Variants in ARL5B observed in about 807,000 individuals in gnomAD.
The protein encoded by ARL5B is ADP-ribosylation factor-like protein 5B.
ARL5B carries 10 observed loss-of-function variants against 26.9 expected under a neutral mutation model. The ratio of observed to expected loss-of-function variants is 0.37; its 90% CI spans 0.23 to 0.63. The LOEUF (loss-of-function observed/expected upper bound fraction) is 0.63, where lower values mean the gene tolerates loss of function less well. Ranked by LOEUF, ARL5B falls within the 30% of genes least tolerant of loss-of-function variation. ARL5B has a pLI of 0.62. For synonymous variants in ARL5B, 87 were observed against 70.4 expected (o/e 1.24, Z -1.18); for missense variants, 167 against 213.9 (o/e 0.78, Z 1.37).
rs1307031461 is a variant in ARL5B, at chr10:18,676,260, C to G, written c.*1044C>G. 6.6e-6 allele frequency: 1 copy of G among 152,306 alleles called. No homozygotes were observed. Among genetic ancestry groups the G allele is most frequent in the Non-Finnish European group, 1.5e-5 (1 of 67,868 alleles). 9.4% of individuals were successfully genotyped at this position (152,306 alleles called of 1,614,324 possible). ...GTTACTTAAAAAACTACATGGCTTT[C>G]CTTGAATTTATTTGACGGTATTATG... On this transcript the variant is annotated 3_prime_UTR_variant, in exon 6 of 6. Transcript: ENST00000377275.
At position 18,680,176 on chromosome 10, in the gene ARL5B, G is replaced by C. The variant is rs975787309; in HGVS notation, c.*4960G>C. ...TACCTCATTTTTCAATCCATAAGGT[G>C]CTTTGCTCAAGTTTGTGGGATGTTT... On this transcript the variant is annotated 3_prime_UTR_variant, in exon 6 of 6. Transcript: ENST00000377275. 8 of 151,952 alleles carry C rather than the reference G, an allele frequency of 5.3e-5. No individual in the cohort carries two copies. Among genetic ancestry groups the C allele is most frequent in the Non-Finnish European group, 1.0e-4 (7 of 67,892 alleles). 9.4% of individuals were successfully genotyped at this position (151,952 alleles called of 1,614,324 possible). A position where few individuals can be genotyped will look rare whatever the true frequency, so the allele number is the denominator to read the frequency against.
chr10:18,668,474 G>T, intron 2 of ARL5B, 56 bp from the exon 3 acceptor site: 5 of 1,586,246 alleles, frequency 3.2e-6, no homozygotes, highest in Non-Finnish European at 3.4e-6. Context: ...AGAGATAAAA[G>T]TTGCTTCAGA....
rs758102580 is a variant in ARL5B at position 18,662,864 on chromosome 10, G to C, written c.46+3181G>C. ...GATTACAGGCGCACACCACCACTCC[G>C]GCTAATTTTTGTATTTTTAGTAGAG... On this transcript the variant is annotated intron_variant, in intron 1 of 5. Transcript: ENST00000377275. 2.0e-5 allele frequency among the ~76,000 whole-genome samples: 3 copies of C among 150,480 alleles called. No homozygotes were observed. In the East Asian group the frequency reaches 5.9e-4, roughly 30 times the overall value.
intron 2 of ARL5B, among the ~76,000 whole-genome samples, chr10:18,667,575 C>G (rs1023983914): frequency 7.2e-5 from 11 of 152,098 alleles, no homozygotes; most frequent in Admixed American, 2.0e-4. Flanking sequence ...AAGAGAATTG[C>G]AAGCCTCCTC....
In ARL5B at chr10:18,679,186, G is replaced by C. The variant is rs989034564; in HGVS notation, c.*3970G>C. 1 of 151,426 alleles carries C rather than the reference G, an allele frequency of 6.6e-6. No homozygotes were observed. The highest frequency in any genetic ancestry group is 1.5e-5 in the Non-Finnish European group (1 of 67,528). The allele number at this position is 151,426 out of a possible 1,614,324, so 9.4% of individuals were successfully genotyped here. On this transcript the variant is annotated 3_prime_UTR_variant, in exon 6 of 6. Transcript: ENST00000377275. ...AAATAGCTAATGACAATGCAAAAGAGAAAACAAGCCATATTGCTAAGAAAA... is the reference window on the plus strand; with the variant it reads ...AAATAGCTAATGACAATGCAAAAGACAAAACAAGCCATATTGCTAAGAAAA...
chr10:18,666,034 A>T (rs1036073429), intron 1 of ARL5B, among the ~76,000 whole-genome samples: 1 of 152,216 alleles, frequency 6.6e-6, no homozygotes, highest in Non-Finnish European at 1.5e-5. Context: ...AACAATGAGT[A>T]ATTGTGTAAA....
chr10:18,662,143 T>C lies in ARL5B; in HGVS notation c.46+2460T>C, dbSNP rs80081413. ...TTATCTATTCCAGTGGAATTAGATATATTAGAATAACAGGCCCAAAGCGCC... is the reference window on the plus strand; with the variant it reads ...TTATCTATTCCAGTGGAATTAGATACATTAGAATAACAGGCCCAAAGCGCC... On this transcript the variant is annotated intron_variant, in intron 1 of 5. Transcript: ENST00000377275. Among the ~76,000 whole-genome samples the C allele has an allele frequency of 4.9e-4, 74 of 152,366 alleles. No individual in the cohort carries two copies. In the East Asian group the frequency reaches 0.013, roughly 27 times the overall value.
chr10:18,674,791 T>C (rs2059903438), intron 5 of ARL5B, among the ~76,000 whole-genome samples: 2 of 152,186 alleles, frequency 1.3e-5, no homozygotes, highest in South Asian at 4.1e-4. Flanking sequence ...TTTTGACTCA[T>C]ACTTTTAAGA....
In ARL5B at chr10:18,681,389, G is replaced by T. The variant is rs987252553; in HGVS notation, c.*6173G>T. On this transcript the variant is annotated 3_prime_UTR_variant, in exon 6 of 6. Coordinates refer to ENST00000377275, the MANE Select transcript of ARL5B (RefSeq NM_178815.5). Reference sequence around the variant, plus strand: ...TTTTAAAGTTTTTAATACTTTATTAGTTATGAAGTGCTTCTTTTATATGTT... The same window carrying T: ...TTTTAAAGTTTTTAATACTTTATTATTTATGAAGTGCTTCTTTTATATGTT... 6.6e-6 allele frequency: 1 copy of T among 152,110 alleles called. No individual in the cohort carries two copies. Among genetic ancestry groups the T allele is most frequent in the East Asian group, 1.9e-4 (1 of 5,194 alleles). The allele number at this position is 152,110 out of a possible 1,614,324, so 9.4% of individuals were successfully genotyped here.
chr10:18,663,595 C>A (rs1432936447), intron 1 of ARL5B, among the ~76,000 whole-genome samples: 1 of 130,308 alleles, frequency 7.7e-6, no homozygotes, highest in Non-Finnish European at 1.5e-5. Context: ...GTCGCCCAGG[C>A]TGGAGTGCAG....
chr10:18,679,858 C>T lies in ARL5B; in HGVS notation c.*4642C>T, dbSNP rs1011669155. 6.6e-6 allele frequency: 1 copy of T among 151,900 alleles called. No homozygotes were observed. The highest frequency in any genetic ancestry group is 1.5e-5 in the Non-Finnish European group (1 of 67,866). The allele number at this position is 151,900 out of a possible 1,614,324, so 9.4% of individuals were successfully genotyped here. A position where few individuals can be genotyped will look rare whatever the true frequency, so the allele number is the denominator to read the frequency against. On this transcript the variant is annotated 3_prime_UTR_variant, in exon 6 of 6. Coordinates refer to ENST00000377275, the MANE Select transcript of ARL5B (RefSeq NM_178815.5). ...TGAAAGCAGTGAATTTCTGCCTCTCCTCGTATTTAGGGTACTTAAAATTAC... is the reference window on the plus strand; with the variant it reads ...TGAAAGCAGTGAATTTCTGCCTCTCTTCGTATTTAGGGTACTTAAAATTAC...
chr10:18,673,572 A>G (rs1020095873), intron 4 of ARL5B, among the ~76,000 whole-genome samples: 4 of 152,186 alleles, frequency 2.6e-5, no homozygotes, highest in African/African-American at 7.2e-5. Context: ...AGTATAAACA[A>G]TGCTGAAATG....
intron 2 of ARL5B, among the ~76,000 whole-genome samples, chr10:18,667,258 C>T (rs1022603300): frequency 6.6e-6 from 1 of 152,162 alleles, no homozygotes; most frequent in African/African-American, 2.4e-5. Flanking sequence ...CAGTTCTTTG[C>T]CCCATTGTGT....
intron 3 of ARL5B, among the ~76,000 whole-genome samples, chr10:18,671,953 T>A (rs2131645031): frequency 6.6e-6 from 1 of 152,288 alleles, no homozygotes; most frequent in South Asian, 2.1e-4. Flanking sequence ...ATGCCTGGCC[T>A]ATATCTTCTT....
intron 1 of ARL5B, among the ~76,000 whole-genome samples, chr10:18,664,121 G>C (rs867467658): frequency 6.7e-6 from 1 of 148,212 alleles, no homozygotes; most frequent in African/African-American, 2.5e-5. Context: ...GCCCGGCTAA[G>C]TTTTGTATTT....
Position 18,659,563 on chromosome 10 carries a change from C to A in ARL5B, c.-75C>A. 6.7e-7 allele frequency: 1 copy of A among 1,501,280 alleles called. No homozygotes were observed. The allele number at this position is 1,501,280 out of a possible 1,614,324, so 93.0% of individuals were successfully genotyped here. A position where few individuals can be genotyped will look rare whatever the true frequency, so the allele number is the denominator to read the frequency against. ...GCGGGTTCTCCTCGGCTCCGCGCAG[C>A]CCGCGCCGCGGTGGGGGACCCGGCG... On this transcript the variant is annotated 5_prime_UTR_variant, in exon 1 of 6. Coordinates refer to ENST00000377275, the MANE Select transcript of ARL5B (RefSeq NM_178815.5).
intron 3 of ARL5B, 72 bp from the exon 4 acceptor site, chr10:18,672,550 C>T: frequency 9.6e-7 from 1 of 1,042,880 alleles, no homozygotes; most frequent in Non-Finnish European, 1.5e-6. Flanking sequence ...ACTTAGATTA[C>T]TTGAGTAGTT....
intron 5 of ARL5B, among the ~76,000 whole-genome samples, chr10:18,674,949 G>T (rs531391560): frequency 5.3e-5 from 8 of 152,196 alleles, no homozygotes; most frequent in African/African-American, 1.9e-4. Context: ...GTATCTTCAA[G>T]ATGAGACTGA....
chr10:18,678,495 A>T lies in ARL5B; in HGVS notation c.*3279A>T, dbSNP rs897228528. The T allele has an allele frequency of 2.0e-5, 3 of 151,894 alleles. No homozygotes were observed. The highest frequency in any genetic ancestry group is 2.0e-4 in the Admixed American group (3 of 15,250). 9.4% of individuals were successfully genotyped at this position (151,894 alleles called of 1,614,324 possible). On this transcript the variant is annotated 3_prime_UTR_variant, in exon 6 of 6. Transcript: ENST00000377275. Reference sequence around the variant, plus strand: ...TTTTAAAGAATATAGAAGCTTTTTTAAAAAATCTTTTTAGTGTAGTTTCTT... The same window carrying T: ...TTTTAAAGAATATAGAAGCTTTTTTTAAAAATCTTTTTAGTGTAGTTTCTT...
Sources: gnomAD v4.1 joint callset for allele counts (sites outside exome capture counted in the v4.1 genomes callset) on GRCh38, gnomAD v4.1.1 for gene constraint, MANE v1.5 for transcripts, NCBI Gene and HGNC (gene_info 2026-07-23, HGNC 2026-07-21) for gene names.